CYRIB: variants seen among roughly 807,000 people sequenced by gnomAD.
The protein encoded by CYRIB is CYFIP related Rac1 interactor B.
Under a neutral mutation model 44.2 loss-of-function variants are expected in CYRIB, and 8 were observed. The ratio of observed to expected loss-of-function variants is 0.18; its 90% CI spans 0.11 to 0.33. The LOEUF (loss-of-function observed/expected upper bound fraction) is 0.33. Among genes scored for constraint, CYRIB ranks in the 10% least tolerant of loss-of-function variants. The pLI, the probability that CYRIB is intolerant of heterozygous loss-of-function variation, is 1.00. For synonymous variants in CYRIB, 131 were observed against 127.2 expected (o/e 1.03, Z -0.20); for missense variants, 185 against 382.8 (o/e 0.48, Z 4.31).
At chr8:129,980,400 C>T (rs530229633) in intron 1 of CYRIB, among the ~76,000 whole-genome samples, 6 of 152,246 alleles carry the variant, frequency 3.9e-5, no homozygotes, top group South Asian at 2.1e-4. Flanking sequence ...TTTTTTGATG[C>T]TTTAGGCCAA....
chr8:129,845,002 T>C (rs986740152), intron 11 of CYRIB, among the ~76,000 whole-genome samples: 10 of 152,180 alleles, frequency 6.6e-5, no homozygotes, highest in Non-Finnish European at 1.5e-4. Context: ...TCTATTATAA[T>C]AGGAAAGAAA....
intron 2 of CYRIB, among the ~76,000 whole-genome samples, chr8:129,948,258 GAA>G (rs1381911314): frequency 6.6e-6 from 1 of 152,202 alleles, no homozygotes; most frequent in Non-Finnish European, 1.5e-5. Context: ...GGGAGAAGAG[GAA>G]AAGATTTTCT....
At chr8:129,957,718 C>A (rs1160320538) in intron 2 of CYRIB, among the ~76,000 whole-genome samples, 1 of 152,046 alleles carries the variant, frequency 6.6e-6, no homozygotes, top group Non-Finnish European at 1.5e-5. Flanking sequence ...GTAATCCCAG[C>A]ACTTTGGGAG....
At chr8:130,005,260 C>T (rs977308789) in intron 1 of CYRIB, among the ~76,000 whole-genome samples, 2 of 152,124 alleles carry the variant, frequency 1.3e-5, no homozygotes, top group African/African-American at 2.4e-5. Flanking sequence ...TAGGAACCAG[C>T]GGAAAATCAG....
rs149954459 is a variant in CYRIB, at chr8:129,935,622, G to A, written c.-50+3986C>T. Reference sequence around the variant, plus strand: ...CCCCTGCTCTAGACACAGTAGAAAGGGTCTGTATCAATCTAGAATTTAATA... The same window carrying A: ...CCCCTGCTCTAGACACAGTAGAAAGAGTCTGTATCAATCTAGAATTTAATA... On this transcript the variant is annotated intron_variant, in intron 1 of 11. Transcript: ENST00000519824. Among the ~76,000 whole-genome samples, 70 of 152,158 alleles carry A rather than the reference G, an allele frequency of 4.6e-4. No individual in the cohort carries two copies. The South Asian group carries it at 0.01, about 22-fold the overall frequency.
At chr8:129,855,884 CTAAT>C (rs1234902263) in intron 5 of CYRIB, 137 bp from the exon 8 acceptor site, 29 of 774,656 alleles carry the variant, frequency 3.7e-5, no homozygotes, top group Non-Finnish European at 5.6e-5. Flanking sequence ...CATAATAAAA[CTAAT>C]TAAGAAGTTT....
chr8:129,965,804 A>T (rs1020697114), intron 2 of CYRIB, among the ~76,000 whole-genome samples: 5 of 151,924 alleles, frequency 3.3e-5, no homozygotes, highest in African/African-American at 1.2e-4. Context: ...TCAAAAAAAA[A>T]AAAGAATATA....
chr8:129,869,634 G>C (rs1317002782), intron 4 of CYRIB, among the ~76,000 whole-genome samples: 2 of 152,042 alleles, frequency 1.3e-5, no homozygotes, highest in Admixed American at 1.3e-4. Context: ...TAAATGTTTA[G>C]AGAACTTGAA....
chr8:129,891,459 T>G (rs1279611969), intron 2 of CYRIB, among the ~76,000 whole-genome samples: 4 of 152,238 alleles, frequency 2.6e-5, no homozygotes, highest in Admixed American at 6.5e-5. Context: ...GCTTTGATTC[T>G]CCATCTTTTG....
chr8:129,980,966 AGAGT>A (rs1295397446), intron 1 of CYRIB, among the ~76,000 whole-genome samples: 1 of 151,674 alleles, frequency 6.6e-6, no homozygotes, highest in Non-Finnish European at 1.5e-5. Context: ...CCTGTGTAAC[AGAGT>A]GAGACACTAT....
At chr8:129,910,940 G>A (rs1049351667) in intron 1 of CYRIB, among the ~76,000 whole-genome samples, 1 of 152,220 alleles carries the variant, frequency 6.6e-6, no homozygotes, top group Non-Finnish European at 1.5e-5. Context: ...TTATAGGCAT[G>A]AGCCACCTTG....
chr8:129,988,089 CTGAGGCCTAAAAT>C (rs2096529145), intron 1 of CYRIB, among the ~76,000 whole-genome samples: 1 of 152,140 alleles, frequency 6.6e-6, no homozygotes, highest in African/African-American at 2.4e-5. Flanking sequence ...TGCAGGCGGG[CTGAGGCCTAAAAT>C]GGCGTCAGCC....
intron 4 of CYRIB, among the ~76,000 whole-genome samples, chr8:129,868,253 C>T (rs1443932154): frequency 6.6e-6 from 1 of 152,170 alleles, no homozygotes; most frequent in Non-Finnish European, 1.5e-5. Context: ...AACTTCTCAA[C>T]AAAAATTTCA....
intron 1 of CYRIB, among the ~76,000 whole-genome samples, chr8:129,908,030 G>A (rs899248060): frequency 2.6e-5 from 4 of 152,120 alleles, no homozygotes; most frequent in Non-Finnish European, 4.4e-5. Context: ...AAATGGTGTT[G>A]AAATAACTCC....
At chr8:129,894,926 TATA>T (rs2067176400) in intron 2 of CYRIB, among the ~76,000 whole-genome samples, 1 of 148,544 alleles carries the variant, frequency 6.7e-6, no homozygotes, top group Non-Finnish European at 1.5e-5. Context: ...TATATATATA[TATA>T]TTTTTTTAAT....
intron 1 of CYRIB, among the ~76,000 whole-genome samples, chr8:129,937,761 A>T (rs1316059131): frequency 6.6e-6 from 1 of 152,226 alleles, no homozygotes; most frequent in Non-Finnish European, 1.5e-5. Flanking sequence ...TAGAATTCAT[A>T]CTATATATCC....
intron 2 of CYRIB, among the ~76,000 whole-genome samples, chr8:129,959,081 A>C (rs984764690): frequency 2.0e-5 from 3 of 150,884 alleles, no homozygotes; most frequent in African/African-American, 7.3e-5. Context: ...AAAAAAAAAA[A>C]AAACAAAGGC....
At chr8:129,859,584 T>C (rs2777699) in intron 5 of CYRIB, among the ~76,000 whole-genome samples, 33,487 of 152,070 alleles carry the variant, frequency 0.22, 3,878 homozygotes, top group African/African-American at 0.27. Context: ...CAGACGCTGG[T>C]GTCACCGCTA....
intron 2 of CYRIB, among the ~76,000 whole-genome samples, chr8:129,953,872 G>A (rs570148645): frequency 4.2e-4 from 64 of 152,306 alleles, no homozygotes; most frequent in African/African-American, 1.5e-3. Flanking sequence ...TTGAAATACA[G>A]AGATTTAGAC....
Sources: gnomAD v4.1 joint callset for allele counts (sites outside exome capture counted in the v4.1 genomes callset) on GRCh38, gnomAD v4.1.1 for gene constraint, MANE v1.5 for transcripts, NCBI Gene and HGNC (gene_info 2026-07-23, HGNC 2026-07-21) for gene names.